NDUFS8: variants seen among roughly 807,000 people sequenced by gnomAD.
NDUFS8 encodes the protein NADH:ubiquinone oxidoreductase core subunit S8.
In NDUFS8, 13 loss-of-function variants were observed where a neutral mutation model predicts 25.6. The ratio of observed to expected loss-of-function variants is 0.51; its 90% confidence interval spans 0.33 to 0.81. The LOEUF (loss-of-function observed/expected upper bound fraction) is 0.81, where lower values mean the gene tolerates loss of function less well. Ranked by LOEUF, NDUFS8 falls within the 30% of genes least tolerant of loss-of-function variation. The probability of loss-of-function intolerance (pLI) is 0.02; values close to 1 mark genes in which losing one functional copy is unlikely to be tolerated. For missense variants in NDUFS8, 257 were observed against 300.9 expected (o/e 0.85, Z 1.08); for synonymous variants, 119 against 119.4 (o/e 1.00, Z 0.02).
In NDUFS8 at chr11:68,036,485, G is replaced by A. The variant is rs1307648950; in HGVS notation, c.525G>A (p.Thr175=). The part of the protein sequence containing the change: ...IVEGPNFEFS[T]ETHEELLYNK... ...AGGGCCCCAACTTTGAGTTCTCCACGGAGACCCATGAGGAGCTGCTGTACA... is the reference window on the plus strand; with the variant it reads ...AGGGCCCCAACTTTGAGTTCTCCACAGAGACCCATGAGGAGCTGCTGTACA... The change falls in exon 7 of 7, where the codon ACG becomes ACA. Residue 175 remains threonine, a synonymous_variant. Transcript: ENST00000313468. 3.1e-6 allele frequency: 5 copies of A among 1,614,038 alleles called. No homozygotes were observed. The East Asian group carries it at 6.7e-5, about 22-fold the overall frequency.
intron 5 of NDUFS8, chr11:68,035,549 A>T: frequency 3.7e-6 from 1 of 272,494 alleles, no homozygotes; most frequent in African/African-American, 2.3e-5. Context: ...GGTTGCCCCA[A>T]ACCTTCAATT....
At chr11:68,033,382 C>G in intron 5 of NDUFS8, 99 bp downstream of exon 5, 1 of 1,403,674 alleles carries the variant, frequency 7.1e-7, no homozygotes. Context: ...GCTTGATGTG[C>G]GTCCCCAGGA....
intron 5 of NDUFS8, chr11:68,036,011 C>T (rs1339205204): frequency 1.3e-5 from 6 of 447,550 alleles, no homozygotes; most frequent in Non-Finnish European, 2.0e-5. Context: ...GAGCGAGACT[C>T]TATCTCAAAA....
rs777809933 is a variant in NDUFS8, at chr11:68,033,154, C to A, written c.243C>A (p.Thr81=). The part of the protein sequence containing the change: ...TLSYLFREPA[T]INYPFEKGPL... ...GCTACCTGTTCCGGGAACCGGCCAC[C>A]ATCAACTACCCGTTCGAGAAGGGCC... is the stretch of plus-strand genomic sequence containing the variant. Residue 81 remains threonine, a synonymous_variant, in exon 5 of 7, where the codon ACC becomes ACA. Transcript: ENST00000313468. 17 of 1,612,686 alleles carry A rather than the reference C, an allele frequency of 1.1e-5. No individual in the cohort carries two copies. In the Admixed American group the frequency reaches 2.8e-4, roughly 27 times the overall value.
At chr11:68,035,896 G>A (rs758989841) in intron 5 of NDUFS8, 5 of 370,558 alleles carry the variant, frequency 1.3e-5, no homozygotes, top group Admixed American at 1.1e-4. Context: ...ATGCACACTT[G>A]TAGTCCCAGC....
chr11:68,032,269 C>T lies in NDUFS8; in HGVS notation c.59-17C>T, dbSNP rs150584898. The T allele has an allele frequency of 1.6e-4, 255 of 1,613,792 alleles. No homozygotes were observed. The highest frequency in any genetic ancestry group is 5.2e-4 in the Middle Eastern group (3 of 5,776). On this transcript the variant is annotated splice_polypyrimidine_tract_variant and intron_variant, in intron 2 of 6. Coordinates refer to ENST00000313468, the MANE Select transcript of NDUFS8 (RefSeq NM_002496.4). The stretch of plus-strand genomic sequence containing the variant: ...AGTCCAGTCTCCTGGTATGACGTCA[C>T]GCCCTTCTTTTTGCAGGACCTCCTG...
intron 1 of NDUFS8, 104 bp downstream of exon 1, chr11:68,030,837 C>T: frequency 2.4e-6 from 1 of 423,520 alleles, no homozygotes; most frequent in Non-Finnish European, 4.8e-6. Flanking sequence ...CCTGGGCTTC[C>T]CCTCGGCTCA....
Position 68,033,514 on chromosome 11 carries a change from A to G in NDUFS8, c.372+231A>G, listed in dbSNP as rs149187338. The G allele has an allele frequency of 6.1e-4, 382 of 630,968 alleles. 1 individual carries two copies. The highest frequency in any genetic ancestry group is 2.1e-3 in the African/African-American group (113 of 55,024). 39.1% of individuals were successfully genotyped at this position (630,968 alleles called of 1,614,324 possible). On this transcript the variant is annotated intron_variant, in intron 5 of 6. Coordinates refer to ENST00000313468, the MANE Select transcript of NDUFS8 (RefSeq NM_002496.4). ...CCAGCCCTGGGCAGGCGCCTGACAC[A>G]CAGAGGTTCCCCCTTGGGGTCTGGC...
At chr11:68,030,896 T>TCAGGGCGCCTGCC (rs58491259) in intron 1 of NDUFS8, 163 bp downstream of exon 1, 1 of 440,602 alleles carries the variant, frequency 2.3e-6, no homozygotes, top group African/African-American at 2.1e-5. Flanking sequence ...GGGAGCCGGC[T>TCAGGGCGCCTGCC]CTCAGGGCGC....
chr11:68,033,521 T>C, intron 5 of NDUFS8: 1 of 594,556 alleles, frequency 1.7e-6, no homozygotes, highest in Non-Finnish European at 3.0e-6. Flanking sequence ...CACACAGAGG[T>C]TCCCCCTTGG....
chr11:68,032,756 G>A (rs1292972426), intron 3 of NDUFS8, 167 bp from the exon 4 acceptor site: 20 of 836,014 alleles, frequency 2.4e-5, no homozygotes, highest in African/African-American at 3.3e-5. Context: ...GGCCAGAGGC[G>A]GCCTCCAGGG....
intron 1 of NDUFS8, chr11:68,031,695 C>T (rs1412816271): frequency 3.6e-6 from 1 of 281,236 alleles, no homozygotes; most frequent in Non-Finnish European, 7.0e-6. Flanking sequence ...ATTTGTGCCT[C>T]CCTCGTGGAG....
intron 5 of NDUFS8, chr11:68,036,017 C>CAAA (rs56359843): frequency 1.1e-3 from 413 of 373,598 alleles, no homozygotes; most frequent in East Asian, 1.9e-3. Context: ...GACTCTATCT[C>CAAA]AAAAAAAAAA....
In NDUFS8 at chr11:68,032,279, T is replaced by C; in HGVS notation, c.59-7T>C. On this transcript the variant is annotated splice_region_variant and splice_polypyrimidine_tract_variant and intron_variant, in intron 2 of 6. Coordinates refer to ENST00000313468, the MANE Select transcript of NDUFS8 (RefSeq NM_002496.4). Reference sequence around the variant, plus strand: ...CCTGGTATGACGTCACGCCCTTCTTTTTGCAGGACCTCCTGGTGGCCGGAG... The same window carrying C: ...CCTGGTATGACGTCACGCCCTTCTTCTTGCAGGACCTCCTGGTGGCCGGAG... 6.2e-7 allele frequency: 1 copy of C among 1,613,792 alleles called. No homozygotes were observed. The highest frequency in any genetic ancestry group is 8.5e-7 in the Non-Finnish European group (1 of 1,180,000).
chr11:68,036,123 G>A (rs1234537160), intron 5 of NDUFS8, 130 bp from the exon 6 acceptor site: 66 of 1,479,074 alleles, frequency 4.5e-5, no homozygotes, highest in Admixed American at 9.0e-5. Flanking sequence ...CCTCTTAGCC[G>A]GAGTCCAGGA....
chr11:68,033,517 G>C, intron 5 of NDUFS8: 2 of 629,334 alleles, frequency 3.2e-6, no homozygotes, highest in East Asian at 5.6e-5. Context: ...CTGACACACA[G>C]AGGTTCCCCC....
At chr11:68,032,726 G>A in intron 3 of NDUFS8, 197 bp from the exon 4 acceptor site, 1 of 786,334 alleles carries the variant, frequency 1.3e-6, no homozygotes, top group Non-Finnish European at 2.1e-6. Context: ...CACAGGGAGA[G>A]GTAGGCACGG....
In NDUFS8 at chr11:68,032,944, C is replaced by G. The variant is rs1377416930; in HGVS notation, c.131C>G (p.Pro44Arg). ...GCAGAGTATGTGAACATGCAGGATCCCGAGATGGACATGAAGTCAGTGACT... is the reference window on the plus strand; with the variant it reads ...GCAGAGTATGTGAACATGCAGGATCGCGAGATGGACATGAAGTCAGTGACT... Reference protein sequence around the residue: ...ATYKYVNMQDPEMDMKSVTDR... With the variant: ...ATYKYVNMQDREMDMKSVTDR... The change falls in exon 4 of 7, where the codon CCC becomes CGC. Residue 44 changes from proline (P) to arginine (R), a missense_variant. Physicochemically the swap from Pro to Arg is moderately radical, Grantham distance 103. Transcript: ENST00000313468. 1 of 1,613,776 alleles carries G rather than the reference C, an allele frequency of 6.2e-7. No individual in the cohort carries two copies. Among genetic ancestry groups the G allele is most frequent in the African/African-American group, 1.3e-5 (1 of 74,918 alleles).
In NDUFS8 at chr11:68,032,155, C is replaced by T. The variant is rs150278938; in HGVS notation, c.4C>T (p.Arg2Cys). Residue 2 changes from arginine to cysteine, a missense_variant, in exon 2 of 7, where the codon CGC (arginine) becomes TGC (cysteine). By Grantham distance (180) the Arg-to-Cys change is radical. Transcript: ENST00000313468. M[R>C]CLTTPMLLRA... is the part of the protein sequence containing the mutation. ...CCATCCCTTTTTATGCCACCAGATG[C>T]GCTGCCTGACCACGCCTATGCTGCT... is the stretch of plus-strand genomic sequence containing the variant. 2.7e-3 allele frequency: 4,333 copies of T among 1,612,352 alleles called. 7 individuals are homozygous for T. Among genetic ancestry groups the T allele is most frequent in the Non-Finnish European group, 3.4e-3 (3,987 of 1,179,998 alleles).
Sources: gnomAD v4.1 joint callset for allele counts on GRCh38, gnomAD v4.1.1 for gene constraint, MANE v1.5 for transcripts, NCBI Gene and HGNC (gene_info 2026-07-23, HGNC 2026-07-21) for gene names.